Variants in RBM12 observed in about 807,000 individuals in gnomAD.
RBM12 encodes RNA-binding protein 12.
Under a neutral mutation model 37.2 loss-of-function variants are expected in RBM12, and 24 were observed. That is an observed-to-expected ratio of 0.65 (90% CI 0.47 to 0.91). RBM12 has a LOEUF of 0.91. RBM12 is among the 40% of genes least tolerant of loss of function. The probability of loss-of-function intolerance (pLI) is 0.00; values close to 1 mark genes in which losing one functional copy is unlikely to be tolerated. For synonymous variants in RBM12, 420 were observed against 425.2 expected (o/e 0.99, Z 0.15); for missense variants, 1,061 against 1,183.2 (o/e 0.90, Z 1.52).
At position 35,654,177 on chromosome 20, in the gene RBM12, CCACT is replaced by C; in HGVS notation, c.1142_1145del (p.Gln381ArgfsTer2). On this transcript the variant is annotated frameshift_variant, in exon 3 of 3. Transcript: ENST00000374114. LOFTEE classifies it high-confidence loss of function. ...AAGTGATATGGCCTCCAGCAGCTAC[CCACT>C]GTCTTTCTGTGGCAGGGCTAACTTC... 6.2e-7 allele frequency: 1 copy of C among 1,614,188 alleles called. No individual in the cohort carries two copies. Among genetic ancestry groups the C allele is most frequent in the South Asian group, 1.1e-5 (1 of 91,074 alleles).
rs764838180 is a variant in RBM12, at chr20:35,654,937, G to A, written c.386C>T (p.Pro129Leu). 2 of 1,614,094 alleles carry A rather than the reference G, an allele frequency of 1.2e-6. No individual in the cohort carries two copies. Among genetic ancestry groups the A allele is most frequent in the Admixed American group, 1.7e-5 (1 of 60,018 alleles). The stretch of plus-strand genomic sequence containing the variant: ...GGTGGCAGTAACTACACTGGGTGAT[G>A]GATTATTAAAGTTGGATACTGTTGT... ...LPTTVSNFNN[P>L]SPSVVTATTS... Residue 129 changes from proline to leucine, a missense_variant, in exon 3 of 3, where the codon CCA (proline) becomes CTA (leucine). By Grantham distance (98) the Pro-to-Leu change is moderately conservative. Transcript: ENST00000374114.
chr20:35,652,937 G>A lies in RBM12; in HGVS notation c.2386C>T (p.Pro796Ser), dbSNP rs1213807835. ...CCCGGGGGACCGCCTAAGCTACCAG[G>A]GCCATTTCCAAAATTCTGAGGGCCC... ...GGGPQNFGNGPGSLGGPPGFG... is the reference protein window; with the variant it reads ...GGGPQNFGNGSGSLGGPPGFG... Residue 796 changes from proline to serine, a missense_variant, in exon 3 of 3, where the codon CCT (proline) becomes TCT (serine). Around this residue, in one of 3 missense-constraint regions of RBM12, gnomAD observed 517 missense variants for 534.0 expected, o/e 0.97. Coordinates refer to ENST00000374114, the MANE Select transcript of RBM12 (RefSeq NM_006047.6). The A allele has an allele frequency of 6.2e-7, 1 of 1,613,770 alleles. No individual in the cohort carries two copies. The highest frequency in any genetic ancestry group is 8.5e-7 in the Non-Finnish European group (1 of 1,180,038).
rs2033735688 is a variant in RBM12, at chr20:35,654,129, A to G, written c.1194T>C (p.Ser398=). Residue 398 remains serine (S), a synonymous_variant, in exon 3 of 3, where the codon TCT becomes TCC. Coordinates refer to ENST00000374114, the MANE Select transcript of RBM12 (RefSeq NM_006047.6). ...TCTGAGGAGGGGGATGAGTTTGTCC[A>G]GAAGGTCCCATATTTTGCTTAAAAG... ...HITFKQNMGP[S]GQTHPPPQTL... The G allele has an allele frequency of 6.2e-7, 1 of 1,614,234 alleles. No individual in the cohort carries two copies. Among genetic ancestry groups the G allele is most frequent in the African/African-American group, 1.3e-5 (1 of 75,056 alleles).
At chr20:35,659,115 G>C (rs1424268871) in intron 1 of RBM12, 101 bp from the exon 2 acceptor site, 7 of 410,200 alleles carry the variant, frequency 1.7e-5, no homozygotes, top group Non-Finnish European at 2.7e-5. Context: ...GAAACCACCA[G>C]AGTACTTCAT....
intron 1 of RBM12, among the ~76,000 whole-genome samples, chr20:35,662,157 A>C (rs1196664210): frequency 6.6e-6 from 1 of 152,186 alleles, no homozygotes; most frequent in South Asian, 2.1e-4. Context: ...ATTAACCTCC[A>C]TTCCGTACTC....
At chr20:35,663,555 T>C (rs2034352053) in intron 1 of RBM12, among the ~76,000 whole-genome samples, 1 of 152,162 alleles carries the variant, frequency 6.6e-6, no homozygotes, top group Non-Finnish European at 1.5e-5. Flanking sequence ...TACCAACTTC[T>C]TCAATTTATA....
chr20:35,653,962 T>C lies in RBM12; in HGVS notation c.1361A>G (p.Asp454Gly), dbSNP rs769169697. ...TATATAAATACTATCTTCCACAATA[T>C]CCAGCTTTTTAAAAAAATCAATGAC... ...KHVIDFFKKL[D>G]IVEDSIYIAY... is the part of the protein sequence containing the mutation. Residue 454 changes from aspartate to glycine, a missense_variant, in exon 3 of 3, where the codon GAT becomes GGT. Physicochemically the swap from Asp to Gly is moderately conservative, Grantham distance 94. Transcript: ENST00000374114. 1.4e-5 allele frequency: 22 copies of C among 1,614,146 alleles called. No homozygotes were observed. Among genetic ancestry groups the C allele is most frequent in the South Asian group, 3.3e-5 (3 of 91,084 alleles).
chr20:35,654,943 T>C lies in RBM12; in HGVS notation c.380A>G (p.Asn127Ser), dbSNP rs758172641. The change falls in exon 3 of 3, where the codon AAT (asparagine) becomes AGT (serine). Residue 127 changes from asparagine (N) to serine (S), a missense_variant. Physicochemically the swap from Asn to Ser is conservative, Grantham distance 46. Coordinates refer to ENST00000374114, the MANE Select transcript of RBM12 (RefSeq NM_006047.6). ...AGTAACTACACTGGGTGATGGATTA[T>C]TAAAGTTGGATACTGTTGTGGGCAA... ...VNLPTTVSNF[N>S]NPSPSVVTAT... 2 of 1,614,186 alleles carry C rather than the reference T, an allele frequency of 1.2e-6. No homozygotes were observed. Among genetic ancestry groups the C allele is most frequent in the East Asian group, 2.2e-5 (1 of 44,886 alleles).
intron 1 of RBM12, among the ~76,000 whole-genome samples, chr20:35,660,145 ACAAT>A (rs1007940239): frequency 1.3e-5 from 2 of 152,230 alleles, no homozygotes; most frequent in African/African-American, 4.8e-5. Context: ...TGTAATCAAC[ACAAT>A]CAAAAGTCTA....
At chr20:35,659,186 C>T (rs2034091526) in intron 1 of RBM12, among the ~76,000 whole-genome samples, 172 bp from the exon 2 acceptor site, 1 of 151,422 alleles carries the variant, frequency 6.6e-6, no homozygotes, top group Non-Finnish European at 1.5e-5. Context: ...CCCACACATG[C>T]TTTTTAGTTG....
At position 35,654,767 on chromosome 20, in the gene RBM12, G is replaced by T; in HGVS notation, c.556C>A (p.Pro186Thr). ...PSTASPMNTV[P>T]PPPIPPIPAM... The stretch of plus-strand genomic sequence containing the variant: ...GGAATTGGAGGAATTGGTGGCGGCG[G>T]GACTGTGTTCATTGGAGAGGCTGTG... The change falls in exon 3 of 3, where the codon CCG becomes ACG. Residue 186 changes from proline (P) to threonine (T), a missense_variant. Pro to Thr is a conservative substitution (Grantham distance 38, BLOSUM62 -1). Transcript: ENST00000374114. The T allele has an allele frequency of 6.2e-7, 1 of 1,613,926 alleles. No individual in the cohort carries two copies. The highest frequency in any genetic ancestry group is 8.5e-7 in the Non-Finnish European group (1 of 1,179,824).
intron 2 of RBM12, among the ~76,000 whole-genome samples, chr20:35,658,339 G>A (rs553981353): frequency 6.6e-6 from 1 of 152,218 alleles, no homozygotes; most frequent in Non-Finnish European, 1.5e-5. Context: ...ATGCTACTAA[G>A]GAATAAAACT....
At chr20:35,663,896 C>T (rs1316460125) in intron 1 of RBM12, among the ~76,000 whole-genome samples, 3 of 152,192 alleles carry the variant, frequency 2.0e-5, no homozygotes, top group East Asian at 1.9e-4. Context: ...TCAATTAACT[C>T]TCCATCAAAA....
Position 35,654,133 on chromosome 20 carries a change from G to A in RBM12, c.1190C>T (p.Pro397Leu). Reference protein sequence around the residue: ...GHITFKQNMGPSGQTHPPPQT... With the variant: ...GHITFKQNMGLSGQTHPPPQT... The stretch of plus-strand genomic sequence containing the variant: ...AGGAGGGGGATGAGTTTGTCCAGAA[G>A]GTCCCATATTTTGCTTAAAAGTGAT... Residue 397 changes from proline to leucine, a missense_variant, in exon 3 of 3, where the codon CCT becomes CTT. Physicochemically the swap from Pro to Leu is moderately conservative, Grantham distance 98 (BLOSUM62 -3). Coordinates refer to ENST00000374114, the MANE Select transcript of RBM12 (RefSeq NM_006047.6). 1 of 1,614,186 alleles carries A rather than the reference G, an allele frequency of 6.2e-7. No homozygotes were observed.
At position 35,654,500 on chromosome 20, in the gene RBM12, T is replaced by G; in HGVS notation, c.823A>C (p.Met275Leu). ...ACAGGATTCAACGGACCAAGAAACA[T>G]AGGATTCAGATTATTGTTCAAATTC... ...PMNLNNNLNP[M>L]FLGPLNPVNP... The change falls in exon 3 of 3, where the codon ATG becomes CTG. Residue 275 changes from methionine (M) to leucine (L), a missense_variant. Transcript: ENST00000374114. 6.2e-7 allele frequency: 1 copy of G among 1,614,100 alleles called. No individual in the cohort carries two copies. The highest frequency in any genetic ancestry group is 8.5e-7 in the Non-Finnish European group (1 of 1,180,018).
Position 35,654,225 on chromosome 20 carries a change from CA to C in RBM12, c.1097del (p.Leu366ArgfsTer2), listed in dbSNP as rs770844897. The C allele has an allele frequency of 6.2e-7, 1 of 1,614,222 alleles. No homozygotes were observed. Among genetic ancestry groups the C allele is most frequent in the Non-Finnish European group, 8.5e-7 (1 of 1,180,040 alleles). ...TAACTTCCACATAGCGTTGAATCAT[CA>C]GCATTCTGTTTCGTTTCAAAGCTTC... ...TFEALKRNRMLMIQRYVEVSP... is the reference protein window; with the variant it reads ...TFEALKRNRMXMIQRYVEVSP... On this transcript the variant is annotated frameshift_variant, in exon 3 of 3. Coordinates refer to ENST00000374114, the MANE Select transcript of RBM12 (RefSeq NM_006047.6). LOFTEE classifies it high-confidence loss of function.
intron 2 of RBM12, among the ~76,000 whole-genome samples, chr20:35,656,251 C>T (rs774733592): frequency 8.5e-5 from 13 of 152,120 alleles, no homozygotes; most frequent in Admixed American, 2.6e-4. Context: ...TGTTTTAGAA[C>T]CAGAGTGTGA....
rs1196621493 is a variant in RBM12 at position 35,652,302 on chromosome 20, T to C, written c.*222A>G. 1.4e-5 allele frequency: 7 copies of C among 494,126 alleles called. No homozygotes were observed. Among genetic ancestry groups the C allele is most frequent in the Non-Finnish European group, 2.5e-5 (7 of 283,180 alleles). 30.6% of individuals were successfully genotyped at this position (494,126 alleles called of 1,614,324 possible). ...TTTCTCTAATGGTATGCCAAAATCA[T>C]TTATGTGTTCTCTCCAGATAGCTTT... On this transcript the variant is annotated 3_prime_UTR_variant, in exon 3 of 3. Coordinates refer to ENST00000374114, the MANE Select transcript of RBM12 (RefSeq NM_006047.6).
chr20:35,655,227 G>A lies in RBM12; in HGVS notation c.96C>T (p.Gly32=), dbSNP rs754871778. 3.7e-6 allele frequency: 6 copies of A among 1,613,770 alleles called. No individual in the cohort carries two copies. Among genetic ancestry groups the A allele is most frequent in the Middle Eastern group, 1.6e-4 (1 of 6,084 alleles). Residue 32 remains glycine, a synonymous_variant, in exon 3 of 3, where the codon GGC becomes GGT. Coordinates refer to ENST00000374114, the MANE Select transcript of RBM12 (RefSeq NM_006047.6). ...CCAGTTCACCCCCTACAATATGCAC[G>A]CCCCCATCAGGAATGGTCAATCCAG... ...FFSGLTIPDG[G]VHIVGGELGE...
Sources: gnomAD v4.1 joint callset for allele counts (sites outside exome capture counted in the v4.1 genomes callset) on GRCh38, gnomAD v4.1.1 for gene constraint, gnomAD v4.1.1 regional missense constraint, MANE v1.5 for transcripts, NCBI Gene and HGNC (gene_info 2026-07-23, HGNC 2026-07-21) for gene names.